SPATA13: variants seen among roughly 807,000 people sequenced by gnomAD.
The protein encoded by SPATA13 is spermatogenesis-associated protein 13.
A neutral mutation model predicts 104.0 loss-of-function variants in SPATA13; 50 were observed. The ratio of observed to expected loss-of-function variants is 0.48; its 90% CI spans 0.38 to 0.61. The LOEUF (loss-of-function observed/expected upper bound fraction) is 0.61. SPATA13 is among the 20% of genes least tolerant of loss of function. The pLI is 0.00. For missense variants in SPATA13, 1,524 were observed against 1,690.6 expected, an observed-to-expected ratio of 0.90 and a Z score of 1.73; for synonymous variants, 606 against 667.5, an observed-to-expected ratio of 0.91 and a Z score of 1.42.
chr13:24,052,173 C>T (rs536356352), intron 3 of SPATA13, among the ~76,000 whole-genome samples: 1 of 152,178 alleles, frequency 6.6e-6, no homozygotes, highest in Admixed American at 6.5e-5. Flanking sequence ...TCTCAAGAAT[C>T]GCAGGCCTCG....
At chr13:24,270,899 A>C (rs753219005) in intron 4 of SPATA13, 3 of 1,612,062 alleles carry the variant, frequency 1.9e-6, no homozygotes, top group Non-Finnish European at 2.5e-6. Context: ...GGAGTCTGGA[A>C]AGCCTTCACT....
intron 3 of SPATA13, among the ~76,000 whole-genome samples, chr13:24,046,902 A>G (rs1044028321): frequency 2.0e-5 from 3 of 152,130 alleles, no homozygotes; most frequent in Non-Finnish European, 4.4e-5. Context: ...GTATTGCAGT[A>G]GAGAACAAGT....
chr13:24,268,433 A>G (rs1874393741), intron 4 of SPATA13, among the ~76,000 whole-genome samples: 1 of 152,188 alleles, frequency 6.6e-6, no homozygotes, highest in African/African-American at 2.4e-5. Flanking sequence ...TAAACATCTT[A>G]AGTATTTGCC....
intron 3 of SPATA13, among the ~76,000 whole-genome samples, chr13:24,143,367 T>A (rs1881823527): frequency 6.6e-6 from 1 of 152,146 alleles, no homozygotes; most frequent in Non-Finnish European, 1.5e-5. Flanking sequence ...AAAGTAAAAA[T>A]CCTAAGTAGT....
chr13:24,267,464 G>A (rs1007532293), intron 4 of SPATA13, among the ~76,000 whole-genome samples: 27 of 152,160 alleles, frequency 1.8e-4, no homozygotes, highest in African/African-American at 5.3e-4. Flanking sequence ...CCCTGACCCC[G>A]TCTCTGGATT....
chr13:24,198,203 C>T (rs527678685), intron 1 of SPATA13, among the ~76,000 whole-genome samples: 3 of 152,228 alleles, frequency 2.0e-5, no homozygotes, highest in South Asian at 4.2e-4. Context: ...CTGTGTTGGC[C>T]AGGCTGGTCT....
chr13:24,111,421 C>A (rs1880634786), intron 3 of SPATA13, among the ~76,000 whole-genome samples: 2 of 151,252 alleles, frequency 1.3e-5, no homozygotes, highest in East Asian at 1.9e-4. Flanking sequence ...GCCACCCCCA[C>A]CCCAGAAACA....
intron 1 of SPATA13, among the ~76,000 whole-genome samples, chr13:24,181,194 C>T (rs1868782786): frequency 6.6e-6 from 1 of 152,142 alleles, no homozygotes; most frequent in African/African-American, 2.4e-5. Context: ...ATGCGAAGGC[C>T]TAGGACATTG....
rs1470044774 is a variant in SPATA13, at chr13:24,052,000, G to T, written c.-112+34299G>T. On this transcript the variant is annotated intron_variant, in intron 3 of 14. Coordinates refer to the SPATA13 transcript ENST00000424834. This position sits in a 1 kb window ranked among gnomAD's most constrained non-coding sequence, Gnocchi z 4.2. ...CATCTGTGCACCTTGCCAGTCCTTT[G>T]GCTTCCTCTGCGTGCACTGAAGCCC... Among the ~76,000 whole-genome samples, 1 of 152,118 alleles carries T rather than the reference G, an allele frequency of 6.6e-6. No individual in the cohort carries two copies. The highest frequency in any genetic ancestry group is 1.5e-5 in the Non-Finnish European group (1 of 68,046).
At chr13:24,299,636 C>T (rs1327806828) in intron 11 of SPATA13, among the ~76,000 whole-genome samples, 5 of 152,262 alleles carry the variant, frequency 3.3e-5, no homozygotes, top group South Asian at 2.1e-4. Flanking sequence ...GCCTCGGGAG[C>T]GAGCCAGGCA....
chr13:24,027,071 A>G (rs916834911), intron 3 of SPATA13, among the ~76,000 whole-genome samples: 2 of 150,410 alleles, frequency 1.3e-5, no homozygotes, highest in Non-Finnish European at 3.0e-5. Flanking sequence ...AGTATAGTTC[A>G]GTCTTTTCTC....
chr13:24,018,761 A>C (rs1876829508), intron 3 of SPATA13, among the ~76,000 whole-genome samples: 1 of 152,160 alleles, frequency 6.6e-6, no homozygotes, highest in Admixed American at 6.6e-5. Flanking sequence ...TGAAATTTTT[A>C]ACTATTCACA....
intron 1 of SPATA13, among the ~76,000 whole-genome samples, chr13:24,198,143 C>A (rs1021076250): frequency 4.6e-5 from 7 of 152,042 alleles, no homozygotes; most frequent in Admixed American, 2.6e-4. Context: ...TTACAGGCGC[C>A]CGCCACCATG....
At chr13:24,023,426 A>C (rs761100261) in intron 3 of SPATA13, among the ~76,000 whole-genome samples, 15 of 152,160 alleles carry the variant, frequency 9.9e-5, no homozygotes, top group Non-Finnish European at 2.2e-4. Flanking sequence ...TTTCAATAGA[A>C]AAGTAGGGAA....
At chr13:24,118,329 CAT>C (rs1439973555) in intron 3 of SPATA13, among the ~76,000 whole-genome samples, 1 of 152,164 alleles carries the variant, frequency 6.6e-6, no homozygotes, top group African/African-American at 2.4e-5. Context: ...AAAAATGCCA[CAT>C]GTACAAAATT....
chr13:24,283,218 C>G (rs1276676787), intron 4 of SPATA13, among the ~76,000 whole-genome samples: 1 of 152,234 alleles, frequency 6.6e-6, no homozygotes, highest in Non-Finnish European at 1.5e-5. Flanking sequence ...TTGCTTCAGA[C>G]TCTCCCTATT....
At chr13:24,070,002 C>T (rs1477259663) in intron 3 of SPATA13, among the ~76,000 whole-genome samples, 1 of 152,168 alleles carries the variant, frequency 6.6e-6, no homozygotes, top group Non-Finnish European at 1.5e-5. Flanking sequence ...GGGTCTCTGG[C>T]AAGTAACTCA....
intron 3 of SPATA13, among the ~76,000 whole-genome samples, chr13:24,063,648 G>T (rs1262314612): frequency 1.3e-5 from 2 of 152,192 alleles, no homozygotes; most frequent in Admixed American, 6.5e-5. Context: ...CCACTCAAGT[G>T]GGGGCGGCTC....
chr13:24,253,092 T>A (rs1288348659), intron 4 of SPATA13: 1 of 152,124 alleles, frequency 6.6e-6, no homozygotes, highest in African/African-American at 2.4e-5. Flanking sequence ...GGGGTTCAGG[T>A]CCCAGGATGG....
Sources: gnomAD v4.1 joint callset for allele counts (sites outside exome capture counted in the v4.1 genomes callset) on GRCh38, gnomAD v4.1.1 for gene constraint, Gnocchi (gnomAD v3.1) non-coding constraint, MANE v1.5 for transcripts, NCBI Gene and HGNC (gene_info 2026-07-23, HGNC 2026-07-21) for gene names.